SPATS1: variants seen among roughly 807,000 people sequenced by gnomAD.
SPATS1 encodes the protein spermatogenesis associated serine rich 1.
SPATS1 carries 23 observed loss-of-function variants against 33.6 expected under a neutral mutation model. The observed-to-expected ratio is 0.68, with a 90% CI of 0.49 to 0.97. The LOEUF (loss-of-function observed/expected upper bound fraction) is 0.97. Among genes scored for constraint, SPATS1 ranks in the 50% least tolerant of loss-of-function variants. The probability of loss-of-function intolerance (pLI) is 0.00; values close to 1 mark genes in which losing one functional copy is unlikely to be tolerated. For missense variants in SPATS1, 327 were observed against 361.0 expected (o/e 0.91, Z 0.76); for synonymous variants, 131 against 125.6 (o/e 1.04, Z -0.29).
chr6:44,352,635 G>A (rs758830001), intron 2 of SPATS1, 91 bp from the exon 3 acceptor site: 7 of 1,199,978 alleles, frequency 5.8e-6, no homozygotes, highest in Non-Finnish European at 8.5e-6. Flanking sequence ...AATGTTAGCT[G>A]TTTTAAAAAT....
chr6:44,366,415 C>A (rs916683187), intron 5 of SPATS1, among the ~76,000 whole-genome samples: 3 of 152,108 alleles, frequency 2.0e-5, no homozygotes, highest in Non-Finnish European at 1.5e-5. Flanking sequence ...TGAGCCACTG[C>A]GCCTGGCCAC....
chr6:44,345,440 G>A (rs1423389187), intron 2 of SPATS1, among the ~76,000 whole-genome samples: 4 of 152,226 alleles, frequency 2.6e-5, no homozygotes, highest in East Asian at 3.9e-4. Context: ...TTCACTGCTC[G>A]CTGCTTAGGG....
At chr6:44,376,735 G>C (rs1411832736) in intron 8 of SPATS1, among the ~76,000 whole-genome samples, 1 of 152,200 alleles carries the variant, frequency 6.6e-6, no homozygotes, top group Admixed American at 6.5e-5. Context: ...GGGAGGTGGA[G>C]GTTGCAGTGA....
chr6:44,365,746 G>A (rs527829905), intron 5 of SPATS1, among the ~76,000 whole-genome samples: 2 of 152,282 alleles, frequency 1.3e-5, no homozygotes, highest in South Asian at 2.1e-4. Context: ...TGAACGGTTC[G>A]CTCCCTTATA....
At chr6:44,346,797 C>G (rs1211736907) in intron 2 of SPATS1, among the ~76,000 whole-genome samples, 1 of 152,036 alleles carries the variant, frequency 6.6e-6, no homozygotes, top group African/African-American at 2.4e-5. Flanking sequence ...TTAGTTCAAC[C>G]ATTGTGGAAG....
chr6:44,358,707 C>A (rs1788732590), intron 3 of SPATS1, among the ~76,000 whole-genome samples: 1 of 152,096 alleles, frequency 6.6e-6, no homozygotes, highest in Non-Finnish European at 1.5e-5. Flanking sequence ...AGCAATCATC[C>A]CCCTGCAGCC....
Position 44,361,849 on chromosome 6 carries a change from A to C in SPATS1, c.431A>C (p.Glu144Ala). 6.2e-7 allele frequency: 1 copy of C among 1,614,246 alleles called. No homozygotes were observed. The highest frequency in any genetic ancestry group is 8.5e-7 in the Non-Finnish European group (1 of 1,180,052). Reference protein sequence around the residue: ...KLQTKDGHRPEWTFYPRFSSN... With the variant: ...KLQTKDGHRPAWTFYPRFSSN... Reference sequence around the variant, plus strand: ...ATTGCAGAAGATGGGCATCGTCCTGAGTGGACATTTTACCCAAGGTTTAGC... The same window carrying C: ...ATTGCAGAAGATGGGCATCGTCCTGCGTGGACATTTTACCCAAGGTTTAGC... Residue 144 changes from glutamate (E) to alanine (A), a missense_variant, in exon 5 of 9, where the codon GAG (glutamate) becomes GCG (alanine). Physicochemically the swap from Glu to Ala is moderately radical, Grantham distance 107. Coordinates refer to ENST00000674044, the MANE Select transcript of SPATS1 (RefSeq NM_001372081.1).
chr6:44,344,429 T>G (rs1787754458), intron 2 of SPATS1, among the ~76,000 whole-genome samples: 1 of 141,260 alleles, frequency 7.1e-6, no homozygotes, highest in African/African-American at 2.8e-5. Context: ...GTGTGCATTT[T>G]TCCATCAGAG....
chr6:44,346,138 A>C (rs1025493166), intron 2 of SPATS1, among the ~76,000 whole-genome samples: 3 of 151,926 alleles, frequency 2.0e-5, no homozygotes, highest in Non-Finnish European at 4.4e-5. Context: ...ACAACAACAA[A>C]AAAATAGCTG....
rs2153371253 is a variant in SPATS1, at chr6:44,377,989, T to G, written c.*926T>G. The G allele has an allele frequency of 6.6e-6, 1 of 152,332 alleles. No individual in the cohort carries two copies. Among genetic ancestry groups the G allele is most frequent in the East Asian group, 1.9e-4 (1 of 5,188 alleles). The allele number at this position is 152,332 out of a possible 1,614,324, so 9.4% of individuals were successfully genotyped here. ...ATTGCTTTTGGTAAAACTTTTCATT[T>G]TATTAATACCTTTTGGAATGTTTCT... On this transcript the variant is annotated 3_prime_UTR_variant, in exon 9 of 9. Coordinates refer to ENST00000674044, the MANE Select transcript of SPATS1 (RefSeq NM_001372081.1).
At chr6:44,362,106 C>T in intron 5 of SPATS1, 114 bp downstream of exon 5, 2 of 1,306,302 alleles carry the variant, frequency 1.5e-6, no homozygotes, top group East Asian at 2.3e-5. Context: ...ACCATGTTCC[C>T]CTAGTGCAGC....
intron 7 of SPATS1, among the ~76,000 whole-genome samples, chr6:44,372,178 C>T (rs1232594222): frequency 5.5e-5 from 8 of 144,788 alleles, no homozygotes; most frequent in African/African-American, 1.3e-4. Context: ...CACTTGAACC[C>T]GGGAGGCAAA....
At chr6:44,343,861 G>A (rs1787715078) in intron 2 of SPATS1, among the ~76,000 whole-genome samples, 2 of 152,186 alleles carry the variant, frequency 1.3e-5, no homozygotes, top group Admixed American at 6.5e-5. Flanking sequence ...TGTTATGGGT[G>A]AGTGGCCTGA....
chr6:44,379,189 G>T lies in SPATS1; in HGVS notation c.*2126G>T, dbSNP rs954221807. ...GAGGACACAATATAGAACAAAAAAA[G>T]ATTCTGCAGAGATTTCCTGGTGAGA... On this transcript the variant is annotated 3_prime_UTR_variant, in exon 9 of 9. Coordinates refer to ENST00000674044, the MANE Select transcript of SPATS1 (RefSeq NM_001372081.1). 2.0e-5 allele frequency among the ~76,000 whole-genome samples: 3 copies of T among 151,974 alleles called. No individual in the cohort carries two copies. The highest frequency in any genetic ancestry group is 4.4e-5 in the Non-Finnish European group (3 of 67,990).
intron 3 of SPATS1, among the ~76,000 whole-genome samples, chr6:44,358,134 G>A (rs570650742): frequency 6.6e-6 from 1 of 152,206 alleles, no homozygotes; most frequent in African/African-American, 2.4e-5. Flanking sequence ...CAGGGGTGGG[G>A]GCACTGAGTT....
Position 44,343,154 on chromosome 6 carries a change from C to G in SPATS1, c.59C>G (p.Ser20Ter). Residue 20 changes from serine (S) to a stop codon, truncating the protein, a stop_gained, in exon 2 of 9, where the codon TCA becomes TGA. Coordinates refer to ENST00000674044, the MANE Select transcript of SPATS1 (RefSeq NM_001372081.1). LOFTEE classifies it high-confidence loss of function. Reference protein sequence around the residue: ...SPRGCRLPSISSTTCGRQLEK... With the variant: ...SPRGCRLPSI ...CGGGGCTGCCGTCTCCCCTCCATCT[C>G]AAGCACGACCTGCGGCAGACAGCTG... 3 of 1,614,150 alleles carry G rather than the reference C, an allele frequency of 1.9e-6. No individual in the cohort carries two copies. In the South Asian group the frequency reaches 3.3e-5, roughly 18 times the overall value.
intron 5 of SPATS1, among the ~76,000 whole-genome samples, chr6:44,364,763 CTTTT>C (rs377603243): frequency 6.7e-6 from 1 of 150,006 alleles, no homozygotes; most frequent in Non-Finnish European, 1.5e-5. Context: ...TTCTTTCTTT[CTTTT>C]TCTTTTTCTT....
At chr6:44,355,579 A>C (rs1189515984) in intron 3 of SPATS1, among the ~76,000 whole-genome samples, 1 of 152,242 alleles carries the variant, frequency 6.6e-6, no homozygotes, top group Non-Finnish European at 1.5e-5. Context: ...GCTATTGTAA[A>C]TAGTGCTGTA....
At chr6:44,369,924 A>G (rs1583094160) in intron 6 of SPATS1, 127 bp from the exon 7 acceptor site, 1 of 507,462 alleles carries the variant, frequency 2.0e-6, no homozygotes, top group Non-Finnish European at 3.5e-6. Flanking sequence ...TGCGGTTCTT[A>G]CAGTTTTGAA....
Sources: gnomAD v4.1 joint callset for allele counts (sites outside exome capture counted in the v4.1 genomes callset) on GRCh38, gnomAD v4.1.1 for gene constraint, MANE v1.5 for transcripts, NCBI Gene and HGNC (gene_info 2026-07-23, HGNC 2026-07-21) for gene names.